The following TENM3 variants were observed in gnomAD, a reference collection of about 807,000 sequenced individuals.
The protein encoded by TENM3 is teneurin-3.
TENM3 carries 63 observed loss-of-function variants against 255.1 expected under a neutral mutation model. That is an observed-to-expected ratio of 0.25 (90% CI 0.20 to 0.30). The LOEUF (loss-of-function observed/expected upper bound fraction) is 0.30. TENM3 is among the 10% of genes least tolerant of loss of function. TENM3 has a pLI of 1.00. For synonymous variants in TENM3, 1,306 were observed against 1,322.3 expected (o/e 0.99, Z 0.27); for missense variants, 2,929 against 3,461.1 (o/e 0.85, Z 3.86).
chr4:182,573,836 A>G (rs566750053), intron 3 of TENM3, among the ~76,000 whole-genome samples: 1 of 152,310 alleles, frequency 6.6e-6, no homozygotes, highest in East Asian at 1.9e-4. Context: ...ATTGAGATTC[A>G]TATTTCACAC....
chr4:181,694,876 C>T, the TENM3 span, among the ~76,000 whole-genome samples: 4 of 152,324 alleles, frequency 2.6e-5, no homozygotes, highest in East Asian at 5.8e-4. Context: ...AGAAAATTAT[C>T]TATCCACTTT....
At chr4:182,580,173 CAAA>C (rs1745345528) in intron 3 of TENM3, among the ~76,000 whole-genome samples, 1 of 152,086 alleles carries the variant, frequency 6.6e-6, no homozygotes, top group East Asian at 1.9e-4. Flanking sequence ...TAAGTGGAGA[CAAA>C]AGTACTCTTT....
chr4:181,725,479 G>T, the TENM3 span, among the ~76,000 whole-genome samples: 2 of 147,400 alleles, frequency 1.4e-5, no homozygotes. Context: ...TTTTTAGACG[G>T]AGTCTCACTC....
At chr4:182,291,624 G>A (rs1761132032) in intron 1 of TENM3, among the ~76,000 whole-genome samples, 2 of 152,146 alleles carry the variant, frequency 1.3e-5, no homozygotes, top group South Asian at 4.1e-4. Context: ...GAGACGTTAT[G>A]TGATGTGCTT....
chr4:181,759,038 T>C, the TENM3 span, among the ~76,000 whole-genome samples: 1 of 152,212 alleles, frequency 6.6e-6, no homozygotes, highest in African/African-American at 2.4e-5. Flanking sequence ...CCAGTAGCTC[T>C]TAACTATTCA....
At chr4:182,086,785 G>A in the TENM3 span, among the ~76,000 whole-genome samples, 1 of 152,062 alleles carries the variant, frequency 6.6e-6, no homozygotes, top group African/African-American at 2.4e-5. Flanking sequence ...AAATAAAATG[G>A]GTCTCTAAAT....
the TENM3 span, among the ~76,000 whole-genome samples, chr4:181,875,419 C>CTT: frequency 5.0e-4 from 25 of 49,612 alleles, no homozygotes; most frequent in African/African-American, 1.5e-3. Flanking sequence ...CTTTAGGAAC[C>CTT]TATTTTTTTT....
At chr4:181,705,627 A>G in the TENM3 span, among the ~76,000 whole-genome samples, 24 of 152,324 alleles carry the variant, frequency 1.6e-4, no homozygotes, top group African/African-American at 5.5e-4. Flanking sequence ...TTTAGAAAAG[A>G]GAGCTAATCC....
At chr4:182,357,815 T>C (rs1219135335) in intron 3 of TENM3, among the ~76,000 whole-genome samples, 1 of 151,314 alleles carries the variant, frequency 6.6e-6, no homozygotes, top group Non-Finnish European at 1.5e-5. Flanking sequence ...TGAATGGTAA[T>C]GCCTAGGTTT....
At chr4:182,100,646 T>TACAC in the TENM3 span, among the ~76,000 whole-genome samples, 2,448 of 30,544 alleles carry the variant, frequency 0.08, 92 homozygotes, top group Non-Finnish European at 0.097. Flanking sequence ...CACATATATA[T>TACAC]ACACATATAT....
chr4:182,758,438 A>T (rs951219201), intron 22 of TENM3, among the ~76,000 whole-genome samples: 1 of 152,126 alleles, frequency 6.6e-6, no homozygotes, highest in African/African-American at 2.4e-5. Flanking sequence ...GAGATGGTTA[A>T]TGGGCAAACT....
At chr4:181,484,004 T>C in the TENM3 span, among the ~76,000 whole-genome samples, 1 of 152,212 alleles carries the variant, frequency 6.6e-6, no homozygotes, top group African/African-American at 2.4e-5. Flanking sequence ...CAGTTTTACA[T>C]TGTTTCAATG....
intron 4 of TENM3, among the ~76,000 whole-genome samples, chr4:182,623,581 C>T (rs117125887): frequency 0.014 from 2,204 of 152,146 alleles, 39 homozygotes; most frequent in South Asian, 0.087. Context: ...CCACCCGCTG[C>T]GGCCTTCCAA....
At chr4:181,715,693 T>C in the TENM3 span, among the ~76,000 whole-genome samples, 1 of 152,176 alleles carries the variant, frequency 6.6e-6, no homozygotes, top group Non-Finnish European at 1.5e-5. Flanking sequence ...CTGGCATCTT[T>C]CCACTAAATG....
upstream of TENM3, among the ~76,000 whole-genome samples, chr4:182,240,974 T>C (rs1757218416): frequency 6.6e-6 from 1 of 152,188 alleles, no homozygotes. Context: ...ATTTCCTCCT[T>C]CTCTGAAGCC....
the TENM3 span, among the ~76,000 whole-genome samples, chr4:182,101,353 AG>A: frequency 7.2e-6 from 1 of 139,808 alleles, no homozygotes; most frequent in African/African-American, 2.6e-5. Flanking sequence ...GAAGGAAGAA[AG>A]GGAGGGAGGG....
chr4:182,233,089 G>A (rs1756681285), intron 1 of TENM3, among the ~76,000 whole-genome samples: 1 of 152,108 alleles, frequency 6.6e-6, no homozygotes, highest in Admixed American at 6.5e-5. Flanking sequence ...ACAGGAGAGG[G>A]GTCTCCAGGC....
At position 182,714,187 on chromosome 4, in the gene TENM3, C is replaced by T. The variant is rs200508391; in HGVS notation, c.2322C>T (p.Asp774=). Residue 774 remains aspartate, a synonymous_variant, in exon 13 of 28, where the codon GAC becomes GAT. Coordinates refer to ENST00000511685, the MANE Select transcript of TENM3 (RefSeq NM_001080477.4). ...CQPGWRGAGC[D]VAMETLCTDS... ...CTGGATGGAGAGGAGCAGGCTGTGA[C>T]GTAGCCATGGAGACTCTTTGCACAG... 69 of 1,613,806 alleles carry T rather than the reference C, an allele frequency of 4.3e-5. 1 individual carries two copies. Among genetic ancestry groups the T allele is most frequent in the South Asian group, 3.8e-4 (35 of 91,058 alleles).
At chr4:181,625,182 G>A in the TENM3 span, among the ~76,000 whole-genome samples, 1 of 152,200 alleles carries the variant, frequency 6.6e-6, no homozygotes, top group African/African-American at 2.4e-5. Context: ...AGGAAGTGCT[G>A]TGTCTACCTT....
Sources: gnomAD v4.1 joint callset for allele counts (sites outside exome capture counted in the v4.1 genomes callset) on GRCh38, gnomAD v4.1.1 for gene constraint, MANE v1.5 for transcripts, NCBI Gene and HGNC (gene_info 2026-07-23, HGNC 2026-07-21) for gene names.